The following SLC12A2 variants were observed in gnomAD, a reference collection of about 807,000 sequenced individuals.
The protein encoded by SLC12A2 is solute carrier family 12 member 2, also known as Na-K-2Cl cotransporter 1.
In SLC12A2, 67 loss-of-function variants were observed where a neutral mutation model predicts 136.3. The observed-to-expected ratio is 0.49, with a 90% confidence interval of 0.40 to 0.60. The LOEUF is 0.60. Ranked by LOEUF, SLC12A2 falls within the 20% of genes least tolerant of loss-of-function variation. The pLI is 0.00. For synonymous variants in SLC12A2, 619 were observed against 562.9 expected (o/e 1.10, Z -1.41); for missense variants, 1,322 against 1,534.7 (o/e 0.86, Z 2.32).
chr5:128,183,717 A>G (rs944113375), intron 24 of SLC12A2, among the ~76,000 whole-genome samples: 2 of 151,976 alleles, frequency 1.3e-5, no homozygotes, highest in African/African-American at 4.8e-5. Context: ...ATTTTTTTAC[A>G]TCACTTTTAT....
intron 1 of SLC12A2, among the ~76,000 whole-genome samples, chr5:128,100,108 G>C (rs1033907443): frequency 3.9e-5 from 6 of 152,132 alleles, no homozygotes; most frequent in Admixed American, 3.9e-4. Flanking sequence ...AAACTCATGA[G>C]AAATGCATCG....
Position 128,184,845 on chromosome 5 carries a change from T to C in SLC12A2, c.3492T>C (p.Asn1164=), listed in dbSNP as rs531711945. The change falls in exon 26 of 27, where the codon AAT becomes AAC. Residue 1164 remains asparagine (N), a synonymous_variant. Coordinates refer to ENST00000262461, the MANE Select transcript of SLC12A2 (RefSeq NM_001046.3). ...TAAAGGAACATTCAAGCACAGCTAATATTATTGTCATGTAAGTAATATCTT... is the reference window on the plus strand; with the variant it reads ...TAAAGGAACATTCAAGCACAGCTAACATTATTGTCATGTAAGTAATATCTT... The part of the protein sequence containing the change: ...ELLKEHSSTA[N]IIVMSLPVAR... The C allele has an allele frequency of 6.2e-7, 1 of 1,601,126 alleles. No individual in the cohort carries two copies. Among genetic ancestry groups the C allele is most frequent in the Non-Finnish European group, 8.6e-7 (1 of 1,168,616 alleles).
At chr5:128,182,821 A>C in intron 23 of SLC12A2, 34 bp from the exon 24 acceptor site, 2 of 1,466,724 alleles carry the variant, frequency 1.4e-6, no homozygotes, top group Non-Finnish European at 1.9e-6. Flanking sequence ...GAATGAAAAT[A>C]CTTGTATCTT....
At chr5:128,147,581 T>G (rs1762568486) in intron 10 of SLC12A2, 41 bp from the exon 11 acceptor site, 1 of 1,272,190 alleles carries the variant, frequency 7.9e-7, no homozygotes, top group Non-Finnish European at 1.1e-6. Context: ...TCTGAATTGT[T>G]TGTGAGATTT....
At position 128,183,448 on chromosome 5, in the gene SLC12A2, A is replaced by G. The variant is rs568782914; in HGVS notation, c.3299+507A>G. Among the ~76,000 whole-genome samples, 4 of 152,132 alleles carry G rather than the reference A, an allele frequency of 2.6e-5. 1 individual carries two copies. The South Asian group carries it at 8.3e-4, about 32-fold the overall frequency. On this transcript the variant is annotated intron_variant, in intron 24 of 26. Transcript: ENST00000262461. The stretch of plus-strand genomic sequence containing the variant: ...TGTTGAATCAATATGAAGCTGATAT[A>G]AAGAATTCCTTTTAGATAGAAAATA...
intron 4 of SLC12A2, among the ~76,000 whole-genome samples, chr5:128,128,882 G>C (rs550925176): frequency 6.6e-6 from 1 of 150,944 alleles, no homozygotes; most frequent in South Asian, 2.1e-4. Context: ...ATTTTCATAA[G>C]AAGTAATAGA....
chr5:128,107,635 T>C (rs1760991860), intron 1 of SLC12A2, among the ~76,000 whole-genome samples: 1 of 152,244 alleles, frequency 6.6e-6, no homozygotes, highest in Admixed American at 6.5e-5. Context: ...TCCTTTTTTA[T>C]GGCTGCATAG....
chr5:128,126,960 A>ATTT (rs1561673526), intron 4 of SLC12A2, among the ~76,000 whole-genome samples: 15 of 26,388 alleles, frequency 5.7e-4, no homozygotes, highest in Admixed American at 1.8e-3. Context: ...ATATATATAT[A>ATTT]TATATATTTT....
chr5:128,184,617 G>T (rs1234279412), intron 25 of SLC12A2, 116 bp downstream of exon 25: 3 of 1,319,618 alleles, frequency 2.3e-6, no homozygotes, highest in East Asian at 2.5e-5. Context: ...CTTTAAAATA[G>T]ATTTATTTGA....
chr5:128,136,443 T>C (rs1379637845), intron 7 of SLC12A2, among the ~76,000 whole-genome samples: 3 of 152,158 alleles, frequency 2.0e-5, no homozygotes, highest in Non-Finnish European at 4.4e-5. Context: ...GTGAAGTTGC[T>C]GTTTTTTTCT....
At chr5:128,158,194 GTT>G in intron 16 of SLC12A2, 30 bp downstream of exon 16, 1 of 1,519,138 alleles carries the variant, frequency 6.6e-7, no homozygotes, top group Non-Finnish European at 9.0e-7. Context: ...TCTTTTTCAA[GTT>G]TTTTTTTAAA....
chr5:128,110,253 C>T (rs750028713), intron 1 of SLC12A2: 4 of 808,124 alleles, frequency 4.9e-6, no homozygotes, highest in Non-Finnish European at 6.8e-6. Flanking sequence ...CCGACCTTTT[C>T]CTGGTGTGGC....
At chr5:128,109,797 G>T (rs556099189) in intron 1 of SLC12A2, 2 of 813,434 alleles carry the variant, frequency 2.5e-6, no homozygotes, top group Non-Finnish European at 4.4e-6. Context: ...ATGTGTGCAG[G>T]CTACAAAAAT....
intron 1 of SLC12A2, among the ~76,000 whole-genome samples, chr5:128,108,126 G>A (rs1490998927): frequency 6.6e-6 from 1 of 151,898 alleles, no homozygotes; most frequent in African/African-American, 2.4e-5. Context: ...ATACCAGCAA[G>A]CAGAAGAAGA....
chr5:128,143,414 GA>G (rs1300023843), intron 10 of SLC12A2, among the ~76,000 whole-genome samples: 1 of 152,106 alleles, frequency 6.6e-6, no homozygotes, highest in Non-Finnish European at 1.5e-5. Context: ...GAAAGCTAGT[GA>G]ATTTCTAAAA....
chr5:128,165,874 T>C (rs1366782975), intron 17 of SLC12A2, among the ~76,000 whole-genome samples: 2 of 151,498 alleles, frequency 1.3e-5, no homozygotes, highest in Admixed American at 6.6e-5. Context: ...GCTTAGTTCT[T>C]TAAAAAGCTA....
In SLC12A2 at chr5:128,084,241, C is replaced by A. The variant is rs1759959372; in HGVS notation, c.287C>A (p.Ala96Glu). Residue 96 changes from alanine to glutamate, a missense_variant, in exon 1 of 27, where the codon GCG (alanine) becomes GAG (glutamate). Physicochemically the swap from Ala to Glu is moderately radical, Grantham distance 107. Coordinates refer to ENST00000262461, the MANE Select transcript of SLC12A2 (RefSeq NM_001046.3). This position sits in a 1 kb window ranked among gnomAD's most constrained non-coding sequence, Gnocchi z 5.6. ...GAGAACGCCGGGCGGGCCGCTGCTG[C>A]GGCGGCGGCGGCGGCGGCGGCAGCG... ...VSENAGRAAA[A>E]AAAAAAAAAA... is the part of the protein sequence containing the mutation. The A allele has an allele frequency of 1.7e-6, 2 of 1,198,502 alleles. No individual in the cohort carries two copies. Among genetic ancestry groups the A allele is most frequent in the East Asian group, 6.7e-5 (2 of 29,682 alleles). The allele number at this position is 1,198,502 out of a possible 1,614,324, so 74.2% of individuals were successfully genotyped here. A position where few individuals can be genotyped will look rare whatever the true frequency, so the allele number is the denominator to read the frequency against.
chr5:128,138,820 C>T lies in SLC12A2; in HGVS notation c.1537-4C>T. ...AGACTTTAAAAAATCTTCTTGTCTTCTAGGATCCTCAGTCAGCCATACCCA... is the reference window on the plus strand; with the variant it reads ...AGACTTTAAAAAATCTTCTTGTCTTTTAGGATCCTCAGTCAGCCATACCCA... On this transcript the variant is annotated splice_region_variant and splice_polypyrimidine_tract_variant and intron_variant, in intron 8 of 26. Transcript: ENST00000262461. The T allele has an allele frequency of 6.2e-7, 1 of 1,610,562 alleles. No individual in the cohort carries two copies. The highest frequency in any genetic ancestry group is 8.5e-7 in the Non-Finnish European group (1 of 1,178,340).
chr5:128,149,806 A>G lies in SLC12A2; in HGVS notation c.2006-191A>G, dbSNP rs377524090. Reference sequence around the variant, plus strand: ...TGAGATAAAGTATAAAGGGGATTCAATGGTTTGCACAGGACTGGATTTCTG... The same window carrying G: ...TGAGATAAAGTATAAAGGGGATTCAGTGGTTTGCACAGGACTGGATTTCTG... On this transcript the variant is annotated intron_variant, in intron 12 of 26. Transcript: ENST00000262461. 7.2e-5 allele frequency among the ~76,000 whole-genome samples: 11 copies of G among 152,082 alleles called. No homozygotes were observed. The East Asian group carries it at 1.2e-3, about 16-fold the overall frequency.
Sources: gnomAD v4.1 joint callset for allele counts (sites outside exome capture counted in the v4.1 genomes callset) on GRCh38, gnomAD v4.1.1 for gene constraint, Gnocchi (gnomAD v3.1) non-coding constraint, MANE v1.5 for transcripts, NCBI Gene and HGNC (gene_info 2026-07-23, HGNC 2026-07-21) for gene names.